The following PCGF6 variants were observed in gnomAD, a reference collection of about 807,000 sequenced individuals.
PCGF6 encodes polycomb group RING finger protein 6.
In PCGF6, 24 loss-of-function variants were observed where a neutral mutation model predicts 45.5. That is an observed-to-expected ratio of 0.53 (90% CI 0.38 to 0.74). The LOEUF (loss-of-function observed/expected upper bound fraction) is 0.74. Ranked by LOEUF, PCGF6 falls within the 30% of genes least tolerant of loss-of-function variation. The probability of loss-of-function intolerance (pLI) is 0.00; values close to 1 mark genes in which losing one functional copy is unlikely to be tolerated. For synonymous variants in PCGF6, 152 were observed against 162.1 expected, an observed-to-expected ratio of 0.94 and a Z score of 0.47; for missense variants, 356 against 443.2, an observed-to-expected ratio of 0.80 and a Z score of 1.77.
Position 103,350,738 on chromosome 10 carries a change from C to G in PCGF6, c.329G>C (p.Gly110Ala). 6.5e-7 allele frequency: 1 copy of G among 1,548,772 alleles called. No individual in the cohort carries two copies. The highest frequency in any genetic ancestry group is 8.7e-7 in the Non-Finnish European group (1 of 1,146,752). ...CTCGTCCTCCGAGTCCTGCCGGCCT[C>G]CCTCCAGCCTCAACGAGAAGTGACT... ...DMSHFSLRLE[G>A]GRQDSEDEEE... The change falls in exon 1 of 10, where the codon GGA (glycine) becomes GCA (alanine). Residue 110 changes from glycine to alanine, a missense_variant. Coordinates refer to ENST00000369847, the MANE Select transcript of PCGF6 (RefSeq NM_001011663.2).
At chr10:103,348,516 G>A in intron 3 of PCGF6, 200 bp downstream of exon 3, 1 of 401,870 alleles carries the variant, frequency 2.5e-6, no homozygotes, top group Non-Finnish European at 4.5e-6. Context: ...GTGGAGATGG[G>A]GTTTCACCAT....
intron 5 of PCGF6, among the ~76,000 whole-genome samples, chr10:103,346,873 G>A (rs541444831): frequency 6.6e-6 from 1 of 152,222 alleles, no homozygotes; most frequent in African/African-American, 2.4e-5. Context: ...AAAAACTAAC[G>A]TTTGAACAGT....
chr10:103,318,466 C>T (rs947437787), intron 8 of PCGF6, among the ~76,000 whole-genome samples: 8 of 143,670 alleles, frequency 5.6e-5, no homozygotes, highest in East Asian at 2.1e-4. Flanking sequence ...GAAAAAAGTG[C>T]GGGTGCGGTG....
chr10:103,321,905 T>C (rs2093199093), intron 8 of PCGF6, among the ~76,000 whole-genome samples: 1 of 151,738 alleles, frequency 6.6e-6, no homozygotes, highest in African/African-American at 2.4e-5. Flanking sequence ...TTTCACTTTT[T>C]TTTTTTTTGA....
At chr10:103,349,666 A>T (rs1486549437) in intron 1 of PCGF6, among the ~76,000 whole-genome samples, 2 of 150,436 alleles carry the variant, frequency 1.3e-5, no homozygotes, top group Admixed American at 1.3e-4. Context: ...TTTTCAGTAG[A>T]GAAGGGGTTT....
At chr10:103,350,349 G>A (rs2093316544) in intron 1 of PCGF6, among the ~76,000 whole-genome samples, 1 of 151,666 alleles carries the variant, frequency 6.6e-6, no homozygotes. Flanking sequence ...TGAGGCGGGA[G>A]GATCGCCTGA....
intron 8 of PCGF6, among the ~76,000 whole-genome samples, chr10:103,325,756 C>T (rs906120277): frequency 6.6e-6 from 1 of 151,508 alleles, no homozygotes; most frequent in African/African-American, 2.4e-5. Context: ...CAGTGGCTAA[C>T]TCCTATAATC....
chr10:103,343,180 G>A (rs1193649113), intron 6 of PCGF6, among the ~76,000 whole-genome samples: 3 of 152,026 alleles, frequency 2.0e-5, no homozygotes, highest in East Asian at 1.9e-4. Flanking sequence ...CGCCCGCCTC[G>A]GCCTCCCAAA....
chr10:103,322,880 A>G (rs2093202767), intron 8 of PCGF6, among the ~76,000 whole-genome samples: 1 of 150,796 alleles, frequency 6.6e-6, no homozygotes, highest in Non-Finnish European at 1.5e-5. Flanking sequence ...CTTGCCACCA[A>G]AAAAAAAACA....
chr10:103,307,823 T>C (rs978689744), intron 9 of PCGF6, among the ~76,000 whole-genome samples: 5 of 152,214 alleles, frequency 3.3e-5, no homozygotes, highest in African/African-American at 1.2e-4. Flanking sequence ...TAACAATGCA[T>C]TTCTCAGAAC....
At chr10:103,303,989 T>C (rs756031558) in intron 9 of PCGF6, 28 bp from the exon 10 acceptor site, 4 of 1,593,372 alleles carry the variant, frequency 2.5e-6, no homozygotes, top group South Asian at 1.1e-5. Context: ...AAAGACGATT[T>C]TGCAGTTCTT....
At chr10:103,337,582 A>G (rs968852647) in intron 6 of PCGF6, among the ~76,000 whole-genome samples, 1 of 152,176 alleles carries the variant, frequency 6.6e-6, no homozygotes, top group African/African-American at 2.4e-5. Context: ...ATTTCTTTTT[A>G]TAATCTACTT....
intron 8 of PCGF6, among the ~76,000 whole-genome samples, chr10:103,322,977 A>G (rs768337075): frequency 5.3e-5 from 8 of 152,034 alleles, no homozygotes; most frequent in Admixed American, 2.0e-4. Context: ...AATAATCTGT[A>G]TTCTAGAGAG....
chr10:103,319,930 C>A (rs573941581), intron 8 of PCGF6, among the ~76,000 whole-genome samples: 6 of 152,094 alleles, frequency 3.9e-5, no homozygotes, highest in Non-Finnish European at 5.9e-5. Context: ...CTCATCTTCC[C>A]GAGTAGCTGG....
intron 7 of PCGF6, among the ~76,000 whole-genome samples, chr10:103,327,283 C>T (rs1467404443): frequency 6.6e-6 from 1 of 151,694 alleles, no homozygotes; most frequent in Non-Finnish European, 1.5e-5. Flanking sequence ...AAAACTCCGT[C>T]TAAAAAACAA....
intron 6 of PCGF6, among the ~76,000 whole-genome samples, chr10:103,340,289 G>A (rs1483972079): frequency 6.7e-6 from 1 of 149,322 alleles, no homozygotes; most frequent in Non-Finnish European, 1.5e-5. Flanking sequence ...GAAAACAGCA[G>A]AGCTACGACT....
Position 103,345,108 on chromosome 10 carries a change from C to CGGA in PCGF6, c.697_698insTCC (p.Ser233delinsIleArg). ...TAGGACTTTTTTAGATCTTCCTTTGCTTGAAGGGACTGGCTGTGGAACAGC... is the reference window on the plus strand; with the variant it reads ...TAGGACTTTTTTAGATCTTCCTTTGCGGATTGAAGGGACTGGCTGTGGAACAGC... On this transcript the variant is annotated protein_altering_variant, in exon 6 of 10. Coordinates refer to ENST00000369847, the MANE Select transcript of PCGF6 (RefSeq NM_001011663.2). The CGGA allele has an allele frequency of 6.2e-7, 1 of 1,612,146 alleles. No homozygotes were observed.
At chr10:103,343,701 C>G (rs1012853178) in intron 6 of PCGF6, among the ~76,000 whole-genome samples, 1 of 151,816 alleles carries the variant, frequency 6.6e-6, no homozygotes, top group Admixed American at 6.6e-5. Context: ...GGCGTGGTGG[C>G]ATGTGCCTGC....
chr10:103,333,413 CT>C (rs1254488483), intron 7 of PCGF6, among the ~76,000 whole-genome samples: 1 of 152,078 alleles, frequency 6.6e-6, no homozygotes, highest in Non-Finnish European at 1.5e-5. Flanking sequence ...TGATTTACCC[CT>C]TTTTAAAAAG....
Sources: gnomAD v4.1 joint callset for allele counts (sites outside exome capture counted in the v4.1 genomes callset) on GRCh38, gnomAD v4.1.1 for gene constraint, MANE v1.5 for transcripts, NCBI Gene and HGNC (gene_info 2026-07-23, HGNC 2026-07-21) for gene names.